PRDM15: variants seen among roughly 807,000 people sequenced by gnomAD.
PRDM15 encodes PR/SET domain 15.
Under a neutral mutation model 128.6 loss-of-function variants are expected in PRDM15, and 64 were observed. The ratio of observed to expected loss-of-function variants is 0.50; its 90% CI spans 0.41 to 0.61. The LOEUF (loss-of-function observed/expected upper bound fraction) is 0.61. Ranked by LOEUF, PRDM15 falls within the 20% of genes least tolerant of loss-of-function variation. The probability of loss-of-function intolerance (pLI) is 0.00; values close to 1 mark genes in which losing one functional copy is unlikely to be tolerated. For missense variants in PRDM15, 1,242 were observed against 1,569.1 expected (o/e 0.79, Z 3.52); for synonymous variants, 615 against 621.8 (o/e 0.99, Z 0.16).
At position 41,810,038 on chromosome 21, in the gene PRDM15, A is replaced by G; in HGVS notation, c.2652+116T>C. On this transcript the variant is annotated intron_variant, in intron 21 of 23. Transcript: ENST00000398548. This position sits in a 1 kb window ranked among gnomAD's most constrained non-coding sequence, Gnocchi z 6.4. ...CCAGTCACAGACGCACCTAAGACTCAGGGCCTGCCTCCAGTACTGGGGGTC... is the reference window on the plus strand; with the variant it reads ...CCAGTCACAGACGCACCTAAGACTCGGGGCCTGCCTCCAGTACTGGGGGTC... 1.9e-6 allele frequency: 2 copies of G among 1,042,602 alleles called. No homozygotes were observed. Among genetic ancestry groups the G allele is most frequent in the Non-Finnish European group, 2.8e-6 (2 of 723,136 alleles). The allele number at this position is 1,042,602 out of a possible 1,614,324, so 64.6% of individuals were successfully genotyped here.
At position 41,837,954 on chromosome 21, in the gene PRDM15, A is replaced by AGTG; in HGVS notation, c.978_980dup (p.Thr327dup). On this transcript the variant is annotated inframe_insertion, in exon 8 of 24. Coordinates refer to ENST00000398548, the MANE Select transcript of PRDM15 (RefSeq NM_001040424.3). ...CTTACTTTGGAACCGAGCTGGTGTCAGTGGTGGTGGTGGCCAGCTTCCCCA... is the reference window on the plus strand; with the variant it reads ...CTTACTTTGGAACCGAGCTGGTGTCAGTGGTGGTGGTGGTGGCCAGCTTCCCCA... 1.2e-6 allele frequency: 2 copies of AGTG among 1,614,184 alleles called. No homozygotes were observed. Among genetic ancestry groups the AGTG allele is most frequent in the Admixed American group, 1.7e-5 (1 of 60,030 alleles).
Position 41,804,544 on chromosome 21 carries a change from C to T in PRDM15, c.2723G>A (p.Gly908Asp). 6.4e-7 allele frequency: 1 copy of T among 1,567,194 alleles called. No individual in the cohort carries two copies. The highest frequency in any genetic ancestry group is 8.7e-7 in the Non-Finnish European group (1 of 1,155,486). ...ETTTIDASSI[G>D]IVQPELTLEQ... is the part of the protein sequence containing the mutation. ...CCCCATGCTGCTCACCTGGACGATG[C>T]CAATGGAGGAGGCGTCGATGGTGGT... Residue 908 changes from glycine (G) to aspartate (D), a missense_variant, in exon 22 of 24, where the codon GGC becomes GAC. By Grantham distance (94) the Gly-to-Asp change is moderately conservative. Coordinates refer to ENST00000398548, the MANE Select transcript of PRDM15 (RefSeq NM_001040424.3).
intron 21 of PRDM15, among the ~76,000 whole-genome samples, chr21:41,805,689 G>A (rs952377767): frequency 1.1e-4 from 17 of 151,654 alleles, no homozygotes; most frequent in African/African-American, 2.2e-4. Flanking sequence ...TGCTGTGGAC[G>A]CACTCTCTAC....
Position 41,811,246 on chromosome 21 carries a change from G to GA in PRDM15, c.2393-411_2393-410insT, listed in dbSNP as rs1244088303. On this transcript the variant is annotated intron_variant, in intron 19 of 23. Transcript: ENST00000398548. This position sits in a 1 kb window ranked among gnomAD's most constrained non-coding sequence, Gnocchi z 4.1. ...ATGGTAACTGAAATCAGGACCAATG[G>GA]CAAGGAGGACACAGACGAGCCAAGC... The GA allele has an allele frequency of 5.3e-6, 1 of 187,652 alleles. No homozygotes were observed. Among genetic ancestry groups the GA allele is most frequent in the East Asian group, 1.2e-4 (1 of 8,256 alleles). 11.6% of individuals were successfully genotyped at this position (187,652 alleles called of 1,614,324 possible).
chr21:41,826,691 G>A (rs1680573371), intron 12 of PRDM15, among the ~76,000 whole-genome samples: 1 of 152,160 alleles, frequency 6.6e-6, no homozygotes, highest in Non-Finnish European at 1.5e-5. Flanking sequence ...GAGCATTCCT[G>A]CCTGGCCAGG....
intron 1 of PRDM15, among the ~76,000 whole-genome samples, chr21:41,874,521 A>ATCT (rs1336105383): frequency 2.1e-5 from 1 of 47,934 alleles, no homozygotes; most frequent in African/African-American, 5.6e-5. Context: ...ATATATATAT[A>ATCT]TATATTTTTT....
intron 12 of PRDM15, 27 bp from the exon 13 acceptor site, chr21:41,826,081 A>G: frequency 1.3e-6 from 2 of 1,557,056 alleles, no homozygotes; most frequent in Non-Finnish European, 1.8e-6. Context: ...CACCAGCAAG[A>G]CAGTGAATAC....
At chr21:41,838,158 C>A in intron 7 of PRDM15, 95 bp from the exon 8 acceptor site, 1 of 1,369,808 alleles carries the variant, frequency 7.3e-7, no homozygotes. Context: ...GGAACCACAG[C>A]CAGGCCAGAA....
chr21:41,809,785 C>T (rs1461822584), intron 21 of PRDM15, among the ~76,000 whole-genome samples: 1 of 152,136 alleles, frequency 6.6e-6, no homozygotes, highest in Non-Finnish European at 1.5e-5. Context: ...TACAACTTCC[C>T]CCTCCCCATC....
intron 5 of PRDM15, among the ~76,000 whole-genome samples, chr21:41,848,724 C>T (rs2146729722): frequency 6.6e-6 from 1 of 152,324 alleles, no homozygotes; most frequent in African/African-American, 2.4e-5. Flanking sequence ...CAATAAGCCT[C>T]CACACCCCCA....
chr21:41,864,302 T>A (rs2063924075), intron 1 of PRDM15, among the ~76,000 whole-genome samples: 1 of 152,118 alleles, frequency 6.6e-6, no homozygotes, highest in South Asian at 2.1e-4. Context: ...TCAAAATGGA[T>A]CACAGTCTTA....
At chr21:41,858,723 G>T (rs1339309542) in intron 3 of PRDM15, among the ~76,000 whole-genome samples, 1 of 151,906 alleles carries the variant, frequency 6.6e-6, no homozygotes, top group Non-Finnish European at 1.5e-5. Context: ...GAATTTTCAT[G>T]GGCAACAGGC....
At position 41,879,272 on chromosome 21, in the gene PRDM15, G is replaced by T. The variant is rs1157916486; in HGVS notation, c.-12C>A. 5.7e-6 allele frequency: 6 copies of T among 1,047,110 alleles called. No homozygotes were observed. Among genetic ancestry groups the T allele is most frequent in the Non-Finnish European group, 7.0e-6 (6 of 858,886 alleles). The allele number at this position is 1,047,110 out of a possible 1,614,324, so 64.9% of individuals were successfully genotyped here. A position where few individuals can be genotyped will look rare whatever the true frequency, so the allele number is the denominator to read the frequency against. The stretch of plus-strand genomic sequence containing the variant: ...GGGCGCAGGGCCCGGAGCTTTACCT[G>T]CCTTTGGAATGTGCAGAGCGGGATC... On this transcript the variant is annotated splice_region_variant and 5_prime_UTR_variant, in exon 1 of 24. Coordinates refer to ENST00000398548, the MANE Select transcript of PRDM15 (RefSeq NM_001040424.3). The surrounding 1 kb of genome is among the most constrained non-coding windows in gnomAD (Gnocchi z 5.1).
chr21:41,850,387 T>C (rs1368016719), intron 5 of PRDM15, among the ~76,000 whole-genome samples: 1 of 151,024 alleles, frequency 6.6e-6, no homozygotes, highest in Non-Finnish European at 1.5e-5. Flanking sequence ...CCTCCATCTG[T>C]CAGCAGGTTC....
intron 11 of PRDM15, among the ~76,000 whole-genome samples, chr21:41,830,075 CCACA>C (rs2062629835): frequency 6.6e-6 from 1 of 151,032 alleles, no homozygotes. Flanking sequence ...AACACACACA[CCACA>C]TACATACTCA....
intron 12 of PRDM15, among the ~76,000 whole-genome samples, chr21:41,826,970 T>C (rs775798440): frequency 4.6e-5 from 7 of 152,226 alleles, no homozygotes; most frequent in Admixed American, 6.5e-5. Flanking sequence ...CCACAGTTAC[T>C]GGCATTTATG....
chr21:41,878,772 G>A lies in PRDM15; in HGVS notation c.-10+498C>T, dbSNP rs752231766. On this transcript the variant is annotated intron_variant, in intron 1 of 23. Transcript: ENST00000398548. ...CGACCCGCATGGGCTGTACCCGAGG[G>A]CGGGGGATAACGACATCCCCTGGGG... is the stretch of plus-strand genomic sequence containing the variant. The A allele has an allele frequency of 4.8e-6, 7 of 1,461,882 alleles. No homozygotes were observed. The East Asian group carries it at 1.6e-4, about 34-fold the overall frequency. 90.6% of individuals were successfully genotyped at this position (1,461,882 alleles called of 1,614,324 possible). A position where few individuals can be genotyped will look rare whatever the true frequency, so the allele number is the denominator to read the frequency against.
At chr21:41,806,406 CCACCAT>C (rs1438739151) in intron 21 of PRDM15, among the ~76,000 whole-genome samples, 1 of 30,894 alleles carries the variant, frequency 3.2e-5, no homozygotes, top group Non-Finnish European at 7.4e-5. Context: ...ACCACCACCA[CCACCAT>C]CACCACCACC....
intron 2 of PRDM15, 31 bp downstream of exon 2, chr21:41,860,296 C>A (rs78976620): frequency 6.3e-7 from 1 of 1,597,728 alleles, no homozygotes; most frequent in Non-Finnish European, 8.6e-7. Flanking sequence ...GGGCTGGTCT[C>A]GGACCTGGGA....
Sources: allele counts gnomAD v4.1 joint callset (sites outside exome capture counted in the v4.1 genomes callset), GRCh38; gene constraint gnomAD v4.1.1; non-coding constraint Gnocchi (gnomAD v3.1); transcripts MANE v1.5; gene names NCBI Gene and HGNC (gene_info 2026-07-23, HGNC 2026-07-21).